Variants in RBMS3 observed in about 807,000 individuals in gnomAD.
The protein encoded by RBMS3 is RNA-binding motif, single-stranded-interacting protein 3.
RBMS3 carries 27 observed loss-of-function variants against 66.8 expected under a neutral mutation model. The observed-to-expected ratio is 0.40, with a 90% CI of 0.30 to 0.56. RBMS3 has a LOEUF of 0.56. Ranked by LOEUF, RBMS3 falls within the 20% of genes least tolerant of loss-of-function variation. The pLI is 0.40. For synonymous variants in RBMS3, 188 were observed against 183.0 expected, an observed-to-expected ratio of 1.03 and a Z score of -0.22; for missense variants, 513 against 549.5, an observed-to-expected ratio of 0.93 and a Z score of 0.66.
chr3:29,810,276 C>T (rs573379578), intron 6 of RBMS3, among the ~76,000 whole-genome samples: 3 of 152,194 alleles, frequency 2.0e-5, no homozygotes, highest in Admixed American at 2.0e-4. Flanking sequence ...ACATTCTCTA[C>T]ATCTCCAGTT....
intron 3 of RBMS3, among the ~76,000 whole-genome samples, chr3:29,582,509 A>G (rs2047369306): frequency 6.6e-6 from 1 of 152,168 alleles, no homozygotes; most frequent in Non-Finnish European, 1.5e-5. Flanking sequence ...GCCAAGCTTA[A>G]TTATGTAATT....
Position 29,870,364 on chromosome 3 carries a change from G to A in RBMS3, c.744+1400G>A, listed in dbSNP as rs146609642. Reference sequence around the variant, plus strand: ...ATTTTAAAATTTGGTTGGATAAAATGCCTGCTGATTAGAGATATCTTTGGG... The same window carrying A: ...ATTTTAAAATTTGGTTGGATAAAATACCTGCTGATTAGAGATATCTTTGGG... On this transcript the variant is annotated intron_variant, in intron 7 of 14. Coordinates refer to ENST00000383767, the MANE Select transcript of RBMS3 (RefSeq NM_001003793.3). Among the ~76,000 whole-genome samples, 598 of 152,198 alleles carry A rather than the reference G, an allele frequency of 3.9e-3. 2 individuals carry two copies. Among genetic ancestry groups the A allele is most frequent in the African/African-American group, 0.014 (568 of 41,534 alleles).
chr3:29,749,996 A>G (rs528409678), intron 5 of RBMS3, among the ~76,000 whole-genome samples: 4 of 152,330 alleles, frequency 2.6e-5, no homozygotes, highest in African/African-American at 9.6e-5. Context: ...TTGCAAATGT[A>G]TACTTTACCC....
chr3:29,803,332 G>A (rs1046236274), intron 6 of RBMS3, among the ~76,000 whole-genome samples: 9 of 152,044 alleles, frequency 5.9e-5, no homozygotes, highest in Admixed American at 2.6e-4. Context: ...AAATTAAGTG[G>A]TGACTCTGAA....
chr3:29,881,569 G>C (rs2059737896), intron 7 of RBMS3, among the ~76,000 whole-genome samples: 1 of 152,102 alleles, frequency 6.6e-6, no homozygotes, highest in Non-Finnish European at 1.5e-5. Flanking sequence ...GATTTCCACT[G>C]TACCCTACTG....
At chr3:29,416,749 G>T (rs2040493503) in intron 1 of RBMS3, among the ~76,000 whole-genome samples, 1 of 152,106 alleles carries the variant, frequency 6.6e-6, no homozygotes, top group Non-Finnish European at 1.5e-5. Context: ...GCCAACTCAA[G>T]GTTCTATTGT....
chr3:29,536,623 A>T (rs1318875259), intron 3 of RBMS3, among the ~76,000 whole-genome samples: 1 of 152,210 alleles, frequency 6.6e-6, no homozygotes, highest in Non-Finnish European at 1.5e-5. Flanking sequence ...TACCAACCTC[A>T]TATGTTAGCC....
intron 12 of RBMS3, among the ~76,000 whole-genome samples, chr3:29,959,530 C>G (rs1483112598): frequency 1.3e-5 from 2 of 152,088 alleles, no homozygotes; most frequent in Admixed American, 1.3e-4. Context: ...TTAAGCCAAT[C>G]AGCAAATCAC....
Position 29,852,268 on chromosome 3 carries a change from G to A in RBMS3, c.638-16590G>A, listed in dbSNP as rs149780068. ...TAGGAATGGGCAAAGATTTCATGAT[G>A]AAGATGCTAAAAGCAATTGCAACAA... On this transcript the variant is annotated intron_variant, in intron 6 of 14. Coordinates refer to ENST00000383767, the MANE Select transcript of RBMS3 (RefSeq NM_001003793.3). 4.6e-5 allele frequency among the ~76,000 whole-genome samples: 7 copies of A among 152,266 alleles called. No homozygotes were observed. In the East Asian group the frequency reaches 1.4e-3, roughly 29 times the overall value.
At chr3:29,680,758 G>A (rs1350480067) in intron 4 of RBMS3, among the ~76,000 whole-genome samples, 1 of 151,792 alleles carries the variant, frequency 6.6e-6, no homozygotes, top group African/African-American at 2.4e-5. Flanking sequence ...TTTTCAATAA[G>A]GCATCTATTA....
intron 1 of RBMS3, among the ~76,000 whole-genome samples, chr3:29,346,080 G>T (rs74588174): frequency 0.016 from 2,387 of 152,284 alleles, 75 homozygotes; most frequent in African/African-American, 0.055. Context: ...GGGCATAGGC[G>T]TGCAGCCACG....
At chr3:29,836,335 C>T (rs2058507493) in intron 6 of RBMS3, among the ~76,000 whole-genome samples, 1 of 151,996 alleles carries the variant, frequency 6.6e-6, no homozygotes, top group African/African-American at 2.4e-5. Flanking sequence ...GTCAATATCT[C>T]TGATAAACAT....
At chr3:29,779,655 A>T (rs755673423) in intron 6 of RBMS3, among the ~76,000 whole-genome samples, 18 of 145,808 alleles carry the variant, frequency 1.2e-4, no homozygotes, top group Non-Finnish European at 2.3e-4. Context: ...CATATAAAAA[A>T]GTCACATCTA....
At chr3:29,963,288 C>T (rs1211959603) in intron 12 of RBMS3, among the ~76,000 whole-genome samples, 1 of 152,104 alleles carries the variant, frequency 6.6e-6, no homozygotes, top group South Asian at 2.1e-4. Context: ...GCCCAGGTTA[C>T]AGTCCAGGCC....
At chr3:29,642,680 A>T (rs2049767034) in intron 4 of RBMS3, 1 of 152,076 alleles carries the variant, frequency 6.6e-6, no homozygotes, top group Admixed American at 6.6e-5. Flanking sequence ...TGGTTTCTTT[A>T]TTCTCATTCT....
intron 5 of RBMS3, among the ~76,000 whole-genome samples, chr3:29,750,829 C>T (rs2149365296): frequency 6.6e-6 from 1 of 152,224 alleles, no homozygotes; most frequent in South Asian, 2.1e-4. Context: ...ATATGTCTCT[C>T]CTGGACTTCC....
At position 29,936,334 on chromosome 3, in the gene RBMS3, T is replaced by G. The variant is rs915284358; in HGVS notation, c.1050+138T>G. 8.5e-6 allele frequency: 7 copies of G among 821,148 alleles called. No homozygotes were observed. The African/African-American group carries it at 1.0e-4, about 12-fold the overall frequency. 50.9% of individuals were successfully genotyped at this position (821,148 alleles called of 1,614,324 possible). On this transcript the variant is annotated intron_variant, in intron 11 of 14. Transcript: ENST00000383767. Reference sequence around the variant, plus strand: ...CACATCTTTCAGGTTTCAGTATGAATAAGCTGCATTCTGCATGTATGTTCA... The same window carrying G: ...CACATCTTTCAGGTTTCAGTATGAAGAAGCTGCATTCTGCATGTATGTTCA...
chr3:29,739,360 G>A (rs1442504144), intron 4 of RBMS3, among the ~76,000 whole-genome samples: 2 of 151,050 alleles, frequency 1.3e-5, no homozygotes, highest in Admixed American at 6.6e-5. Flanking sequence ...GGAGGCTGAA[G>A]CAGGAGAATG....
At chr3:29,665,247 A>G (rs2050705782) in intron 4 of RBMS3, among the ~76,000 whole-genome samples, 2 of 152,186 alleles carry the variant, frequency 1.3e-5, no homozygotes. Context: ...TACTTTTTAA[A>G]CATGAGGCTG....
Sources: allele counts gnomAD v4.1 joint callset (sites outside exome capture counted in the v4.1 genomes callset), GRCh38; gene constraint gnomAD v4.1.1; transcripts MANE v1.5; gene names NCBI Gene and HGNC (gene_info 2026-07-23, HGNC 2026-07-21).